Variants in TOP3A observed in about 807,000 individuals in gnomAD.
TOP3A encodes the protein DNA topoisomerase III alpha, also known as DNA topoisomerase 3-alpha.
A neutral mutation model predicts 111.3 loss-of-function variants in TOP3A; 64 were observed. That is an observed-to-expected ratio of 0.57 (90% CI 0.47 to 0.71). TOP3A has a LOEUF of 0.71. Among genes scored for constraint, TOP3A ranks in the 30% least tolerant of loss-of-function variants. The pLI is 0.00. For synonymous variants in TOP3A, 484 were observed against 485.1 expected (o/e 1.00, Z 0.03); for missense variants, 1,104 against 1,285.0 (o/e 0.86, Z 2.15).
chr17:18,302,841 G>A, intron 5 of TOP3A, 118 bp from the exon 6 acceptor site: 1 of 1,234,994 alleles, frequency 8.1e-7, no homozygotes. Context: ...GAAGCTGTGA[G>A]ATGACCAATT....
chr17:18,282,689 C>T lies in TOP3A; in HGVS notation c.2021+9G>A, dbSNP rs370456188. ...GAGCAGAGGTGGGGGCAGAAGGCAGCGCACTCACCCGCCATTCTTCTTGGT... is the reference window on the plus strand; with the variant it reads ...GAGCAGAGGTGGGGGCAGAAGGCAGTGCACTCACCCGCCATTCTTCTTGGT... On this transcript the variant is annotated intron_variant, in intron 16 of 18. Transcript: ENST00000321105. 35 of 1,612,708 alleles carry T rather than the reference C, an allele frequency of 2.2e-5. No homozygotes were observed. The highest frequency in any genetic ancestry group is 8.0e-5 in the African/African-American group (6 of 74,888).
chr17:18,280,916 G>A (rs1030935687), intron 16 of TOP3A, among the ~76,000 whole-genome samples: 1 of 152,236 alleles, frequency 6.6e-6, no homozygotes, highest in African/African-American at 2.4e-5. Flanking sequence ...GACGCCAGGG[G>A]CTCTGTGCTG....
chr17:18,300,508 A>G (rs1032923679), intron 8 of TOP3A, among the ~76,000 whole-genome samples: 6 of 152,140 alleles, frequency 3.9e-5, no homozygotes, highest in Admixed American at 3.3e-4. Flanking sequence ...ATCCGAGTGA[A>G]GGAGAAACAG....
At chr17:18,285,778 T>G (rs1980056230) in intron 13 of TOP3A, among the ~76,000 whole-genome samples, 2 of 152,212 alleles carry the variant, frequency 1.3e-5, no homozygotes, top group South Asian at 4.1e-4. Context: ...CTCTTCCCCA[T>G]GTGTCCAAGC....
intron 18 of TOP3A, among the ~76,000 whole-genome samples, chr17:18,277,257 G>A (rs1287398361): frequency 1.3e-5 from 2 of 152,014 alleles, no homozygotes; most frequent in Non-Finnish European, 2.9e-5. Context: ...AGCTGCAAGG[G>A]CACATGGCCA....
chr17:18,299,107 C>CAAAAAAT (rs531904856), intron 9 of TOP3A, among the ~76,000 whole-genome samples: 2 of 150,392 alleles, frequency 1.3e-5, no homozygotes, highest in Admixed American at 6.6e-5. Context: ...AACTCCATCT[C>CAAAAAAT]AAAAAATAAA....
rs1460354387 is a variant in TOP3A, at chr17:18,273,756, A to C, written c.*1046T>G. On this transcript the variant is annotated 3_prime_UTR_variant, in exon 19 of 19. Coordinates refer to ENST00000321105, the MANE Select transcript of TOP3A (RefSeq NM_004618.5). ...AGGATCCTCCCACTTCAGCCTCCTGAGCAGCTGAACTAAAGACGTGTACAA... is the reference window on the plus strand; with the variant it reads ...AGGATCCTCCCACTTCAGCCTCCTGCGCAGCTGAACTAAAGACGTGTACAA... Among the ~76,000 whole-genome samples, 1 of 152,074 alleles carries C rather than the reference A, an allele frequency of 6.6e-6. No homozygotes were observed. Among genetic ancestry groups the C allele is most frequent in the African/African-American group, 2.4e-5 (1 of 41,394 alleles).
chr17:18,274,757 AGGGGACAGGTCT>A lies in TOP3A; in HGVS notation c.*33_*44del. On this transcript the variant is annotated 3_prime_UTR_variant, in exon 19 of 19. Coordinates refer to ENST00000321105, the MANE Select transcript of TOP3A (RefSeq NM_004618.5). The stretch of plus-strand genomic sequence containing the variant: ...CTGGTTAACTCATTTCTAAACACAA[AGGGGACAGGTCT>A]GAGAAAGTGGCGTTCTCTACCCTAC... The A allele has an allele frequency of 6.3e-7, 1 of 1,575,230 alleles. No homozygotes were observed. The highest frequency in any genetic ancestry group is 8.6e-7 in the Non-Finnish European group (1 of 1,158,290).
intron 5 of TOP3A, 109 bp from the exon 6 acceptor site, chr17:18,302,832 A>T (rs1161077084): frequency 2.7e-5 from 36 of 1,345,446 alleles, no homozygotes; most frequent in Non-Finnish European, 3.6e-5. Context: ...CCAGTTCAAG[A>T]AGCTGTGAGA....
intron 13 of TOP3A, 140 bp downstream of exon 13, chr17:18,290,417 T>G: frequency 2.9e-6 from 3 of 1,049,218 alleles, no homozygotes; most frequent in Non-Finnish European, 3.9e-6. Context: ...TTAACCTCTC[T>G]GAGCCTTATT....
chr17:18,280,752 G>T (rs1979709760), intron 16 of TOP3A, 94 bp from the exon 17 acceptor site: 2 of 1,424,152 alleles, frequency 1.4e-6, no homozygotes, highest in Admixed American at 3.8e-5. Flanking sequence ...AGCTGCCCGA[G>T]GACAACATTC....
Position 18,282,731 on chromosome 17 carries a change from T to G in TOP3A, c.1988A>C (p.Lys663Thr), listed in dbSNP as rs779085553. 1.2e-5 allele frequency: 19 copies of G among 1,613,906 alleles called. No homozygotes were observed. Among genetic ancestry groups the G allele is most frequent in the Middle Eastern group, 1.7e-4 (1 of 5,974 alleles). ...EPIRKCPQCNKDMVLKTKKNG... is the reference protein window; with the variant it reads ...EPIRKCPQCNTDMVLKTKKNG... ...CTTCTTGGTCTTAAGGACCATGTCC[T>G]TGTTGCACTGTGGGCACTTCCTGAT... Residue 663 changes from lysine to threonine, a missense_variant, in exon 16 of 19, where the codon AAG becomes ACG. Lys to Thr is a moderately conservative substitution (Grantham distance 78). Transcript: ENST00000321105.
intron 2 of TOP3A, 60 bp from the exon 3 acceptor site, chr17:18,308,484 T>C: frequency 2.5e-6 from 3 of 1,182,046 alleles, no homozygotes; most frequent in Non-Finnish European, 3.7e-6. Context: ...TTCTGCCAAA[T>C]CATTAAAATG....
In TOP3A at chr17:18,294,689, C is replaced by T. The variant is rs1381467149; in HGVS notation, c.1073+14G>A. The T allele has an allele frequency of 1.3e-6, 2 of 1,596,672 alleles. No individual in the cohort carries two copies. The highest frequency in any genetic ancestry group is 1.7e-6 in the Non-Finnish European group (2 of 1,164,408). On this transcript the variant is annotated intron_variant, in intron 10 of 18. Coordinates refer to ENST00000321105, the MANE Select transcript of TOP3A (RefSeq NM_004618.5). ...AGACGGTTCAAATTCTACTCCCAAA[C>T]CCAAAATACTTACCCTTGAGTGTAG...
intron 1 of TOP3A, 75 bp downstream of exon 1, chr17:18,314,524 C>A: frequency 6.8e-7 from 1 of 1,480,650 alleles, no homozygotes; most frequent in Non-Finnish European, 9.1e-7. Context: ...CATCTCGATT[C>A]TTGGCGCCCA....
chr17:18,305,513 C>T (rs921406251), intron 4 of TOP3A, among the ~76,000 whole-genome samples: 1 of 152,044 alleles, frequency 6.6e-6, no homozygotes, highest in African/African-American at 2.4e-5. Context: ...CGCACGCACA[C>T]TTCGAGAGGT....
intron 9 of TOP3A, among the ~76,000 whole-genome samples, chr17:18,298,827 T>C (rs1981034281): frequency 6.6e-6 from 1 of 152,178 alleles, no homozygotes. Context: ...GTGCAAGATG[T>C]GCTTTGTTAA....
intron 5 of TOP3A, among the ~76,000 whole-genome samples, chr17:18,304,121 C>G (rs1356514100): frequency 6.6e-6 from 1 of 152,042 alleles, no homozygotes; most frequent in Non-Finnish European, 1.5e-5. Flanking sequence ...CCCGCCACCA[C>G]ACCTGGCTAA....
rs559137278 is a variant in TOP3A, at chr17:18,314,645, G to A, written c.134C>T (p.Ala45Val). The A allele has an allele frequency of 1.4e-4, 226 of 1,613,310 alleles. No individual in the cohort carries two copies. In the East Asian group the frequency reaches 4.0e-3, roughly 28 times the overall value. Reference protein sequence around the residue: ...KVLCVAEKNDAAKGIADLLSN... With the variant: ...KVLCVAEKNDVAKGIADLLSN... ...CAGCAGGTCGGCGATCCCCTTGGCC[G>A]CGTCGTTTTTTTCGGCCACACAGAG... Residue 45 changes from alanine to valine, a missense_variant, in exon 1 of 19, where the codon GCG (alanine) becomes GTG (valine). Transcript: ENST00000321105.
Sources: allele counts gnomAD v4.1 joint callset (sites outside exome capture counted in the v4.1 genomes callset), GRCh38; gene constraint gnomAD v4.1.1; transcripts MANE v1.5; gene names NCBI Gene and HGNC (gene_info 2026-07-23, HGNC 2026-07-21).